SRGAP2: variants seen among roughly 807,000 people sequenced by gnomAD.
SRGAP2 encodes SLIT-ROBO Rho GTPase activating protein 2.
In SRGAP2, 15 loss-of-function variants were observed where a neutral mutation model predicts 57.2. That is an observed-to-expected ratio of 0.26 (90% CI 0.18 to 0.40). SRGAP2 has a LOEUF of 0.40. SRGAP2 is among the 10% of genes least tolerant of loss of function. The pLI is 1.00. For synonymous variants in SRGAP2, 249 were observed against 248.0 expected (o/e 1.00, Z -0.04); for missense variants, 520 against 669.6 (o/e 0.78, Z 2.47).
chr1:206,307,075 A>G (rs1672257603), intron 3 of SRGAP2, among the ~76,000 whole-genome samples: 3 of 151,378 alleles, frequency 2.0e-5, no homozygotes. Context: ...AAGGTTCTCC[A>G]TGTCCTCACC....
At chr1:206,212,212 C>T (rs1481798521) in intron 2 of SRGAP2, among the ~76,000 whole-genome samples, 2 of 149,470 alleles carry the variant, frequency 1.3e-5, no homozygotes, top group Non-Finnish European at 3.0e-5. Context: ...TGGGGTCTCA[C>T]TCTGTCACCC....
chr1:206,424,755 TC>T (rs1553365709), intron 13 of SRGAP2, among the ~76,000 whole-genome samples: 1 of 152,206 alleles, frequency 6.6e-6, no homozygotes, highest in Non-Finnish European at 1.5e-5. Context: ...CACAGACACA[TC>T]CCAGGGAAAT....
chr1:206,418,068 T>C lies in SRGAP2; in HGVS notation c.1442-1305T>C, dbSNP rs190279540. Among the ~76,000 whole-genome samples, 22 of 151,674 alleles carry C rather than the reference T, an allele frequency of 1.5e-4. No individual in the cohort carries two copies. In the East Asian group the frequency reaches 3.3e-3, roughly 23 times the overall value. On this transcript the variant is annotated intron_variant, in intron 11 of 22. Transcript: ENST00000573034. ...AAGGCTGATCATTAGTGCTGCAAAT[T>C]GTCTTAATCTAAAGATGACAAGTTC... is the stretch of plus-strand genomic sequence containing the variant.
chr1:206,218,064 T>C (rs1342647028), intron 2 of SRGAP2, among the ~76,000 whole-genome samples: 9 of 151,896 alleles, frequency 5.9e-5, no homozygotes, highest in South Asian at 2.1e-4. Context: ...ATCCCAGCAC[T>C]TTGGGAGGCC....
At chr1:206,230,171 T>C (rs1300623489) in intron 2 of SRGAP2, among the ~76,000 whole-genome samples, 2 of 152,112 alleles carry the variant, frequency 1.3e-5, no homozygotes, top group Non-Finnish European at 2.9e-5. Flanking sequence ...AAAATGTTTC[T>C]ACTGCATTGG....
intron 2 of SRGAP2, among the ~76,000 whole-genome samples, chr1:206,273,758 T>C (rs1369944041): frequency 6.9e-6 from 1 of 144,958 alleles, no homozygotes; most frequent in African/African-American, 2.9e-5. Context: ...GAACTCTTCA[T>C]TTTCATAAAA....
chr1:206,432,468 G>A (rs962998742), intron 14 of SRGAP2, among the ~76,000 whole-genome samples: 4 of 152,130 alleles, frequency 2.6e-5, no homozygotes, highest in South Asian at 2.1e-4. Flanking sequence ...AAATGCATGC[G>A]CACAAGGTTA....
intron 3 of SRGAP2, among the ~76,000 whole-genome samples, chr1:206,318,388 C>T (rs2102819825): frequency 6.6e-6 from 1 of 152,310 alleles, no homozygotes; most frequent in South Asian, 2.1e-4. Context: ...TCCTCCCCTC[C>T]TTCTCCTCTC....
rs560063496 is a variant in SRGAP2, at chr1:206,418,103, A to G, written c.1442-1270A>G. ...TAAAGATGACAAGTTCTAGCAATAA[A>G]GAAAAAAAAAAGCTATAAATCTTTC... is the stretch of plus-strand genomic sequence containing the variant. On this transcript the variant is annotated intron_variant, in intron 11 of 22. Coordinates refer to ENST00000573034, the MANE Select transcript of SRGAP2 (RefSeq NM_015326.5). 8.6e-4 allele frequency among the ~76,000 whole-genome samples: 130 copies of G among 151,428 alleles called. 1 individual carries two copies. Among genetic ancestry groups the G allele is most frequent in the African/African-American group, 3.0e-3 (123 of 40,848 alleles).
chr1:206,412,845 A>G (rs1659337837), intron 10 of SRGAP2, among the ~76,000 whole-genome samples: 1 of 152,194 alleles, frequency 6.6e-6, no homozygotes, highest in Non-Finnish European at 1.5e-5. Flanking sequence ...GGAGTGATAA[A>G]TAAAATAACG....
chr1:206,267,129 G>A (rs1412011383), intron 2 of SRGAP2, among the ~76,000 whole-genome samples: 87 of 151,664 alleles, frequency 5.7e-4, no homozygotes, highest in Non-Finnish European at 9.0e-4. Context: ...CCACCACGCC[G>A]GGCTAATTTT....
chr1:206,253,157 G>A (rs1553311411), intron 2 of SRGAP2, among the ~76,000 whole-genome samples: 3 of 151,026 alleles, frequency 2.0e-5, no homozygotes, highest in African/African-American at 7.3e-5. Flanking sequence ...ACTCACAGCT[G>A]GTCTGTCGAG....
intron 3 of SRGAP2, among the ~76,000 whole-genome samples, chr1:206,341,220 G>A (rs868971130): frequency 6.6e-6 from 1 of 152,198 alleles, no homozygotes; most frequent in Non-Finnish European, 1.5e-5. Context: ...CTGGCCTTTA[G>A]TGCTGAATGG....
intron 13 of SRGAP2, among the ~76,000 whole-genome samples, chr1:206,423,459 T>G (rs1276066948): frequency 6.6e-6 from 1 of 152,222 alleles, no homozygotes; most frequent in African/African-American, 2.4e-5. Flanking sequence ...AAAGTTGTGA[T>G]AGCACCTTCT....
At chr1:206,327,159 T>C (rs1329993896) in intron 3 of SRGAP2, among the ~76,000 whole-genome samples, 2 of 151,960 alleles carry the variant, frequency 1.3e-5, no homozygotes, top group African/African-American at 2.4e-5. Context: ...AAACCCTGTC[T>C]CTACTAAAAA....
chr1:206,283,159 C>T (rs1353629436), intron 2 of SRGAP2, among the ~76,000 whole-genome samples: 4 of 152,148 alleles, frequency 2.6e-5, no homozygotes, highest in African/African-American at 4.8e-5. Context: ...AGCTCCTCTG[C>T]GAGCCCCTTG....
chr1:206,385,008 GT>G (rs71277010), intron 5 of SRGAP2, among the ~76,000 whole-genome samples: 15 of 145,966 alleles, frequency 1.0e-4, no homozygotes, highest in East Asian at 2.0e-4. Context: ...TTCTTCCTTT[GT>G]TTTTTTTTTT....
intron 14 of SRGAP2, among the ~76,000 whole-genome samples, chr1:206,435,624 A>C (rs374181362): frequency 1.3e-5 from 2 of 152,222 alleles, no homozygotes; most frequent in South Asian, 2.1e-4. Context: ...AGTAGACTCC[A>C]GAAGCCTGGT....
At chr1:206,353,608 T>C (rs1676196111) in intron 4 of SRGAP2, among the ~76,000 whole-genome samples, 2 of 151,898 alleles carry the variant, frequency 1.3e-5, no homozygotes, top group South Asian at 4.2e-4. Context: ...GGCAGGAGAA[T>C]CACTTGAACC....
Sources: allele counts gnomAD v4.1 joint callset (sites outside exome capture counted in the v4.1 genomes callset), GRCh38; gene constraint gnomAD v4.1.1; transcripts MANE v1.5; gene names NCBI Gene and HGNC (gene_info 2026-07-23, HGNC 2026-07-21).